The following CUX2 variants were observed in gnomAD, a reference collection of about 807,000 sequenced individuals.
The protein encoded by CUX2 is homeobox protein cut-like 2.
In CUX2, 40 loss-of-function variants were observed where a neutral mutation model predicts 144.8. The observed-to-expected ratio is 0.28, with a 90% CI of 0.21 to 0.36. The LOEUF is 0.36. CUX2 is among the 10% of genes least tolerant of loss of function. The pLI, the probability that CUX2 is intolerant of heterozygous loss-of-function variation, is 1.00. For synonymous variants in CUX2, 827 were observed against 875.6 expected (o/e 0.94, Z 0.98); for missense variants, 1,615 against 1,994.0 (o/e 0.81, Z 3.62).
intron 1 of CUX2, among the ~76,000 whole-genome samples, chr12:111,081,882 C>G (rs990391746): frequency 4.6e-5 from 7 of 152,124 alleles, no homozygotes; most frequent in African/African-American, 1.7e-4. Context: ...TGTAAGACCA[C>G]TTTGCCTGAG....
chr12:111,075,577 CAT>C (rs1328109985), intron 1 of CUX2, among the ~76,000 whole-genome samples: 1 of 152,136 alleles, frequency 6.6e-6, no homozygotes, highest in Non-Finnish European at 1.5e-5. Context: ...GCTCACCTTC[CAT>C]GTCCATTTGC....
chr12:111,325,298 GA>G (rs113921328), intron 18 of CUX2, among the ~76,000 whole-genome samples: 107 of 86,256 alleles, frequency 1.2e-3, no homozygotes, highest in Middle Eastern at 6.2e-3. Context: ...CGTCTCAAAA[GA>G]AAAAAAAAAA....
intron 14 of CUX2, 91 bp downstream of exon 14, chr12:111,308,617 C>A: frequency 9.2e-7 from 1 of 1,085,472 alleles, no homozygotes. Context: ...CACTGCCTTC[C>A]ATGCAGGCAG....
intron 1 of CUX2, chr12:111,099,889 G>T: frequency 2.2e-6 from 1 of 449,448 alleles, no homozygotes; most frequent in Non-Finnish European, 4.5e-6. Flanking sequence ...AAGAGGTAAT[G>T]CTAATGTCTT....
At chr12:111,096,977 G>T (rs1566216781) in intron 1 of CUX2, among the ~76,000 whole-genome samples, 1 of 147,112 alleles carries the variant, frequency 6.8e-6, no homozygotes, top group African/African-American at 2.5e-5. Flanking sequence ...GCTCCATCAA[G>T]AAAAAAAAAA....
At chr12:111,216,759 C>T (rs1162660682) in intron 2 of CUX2, among the ~76,000 whole-genome samples, 1 of 150,056 alleles carries the variant, frequency 6.7e-6, no homozygotes, top group Admixed American at 6.6e-5. Context: ...TGTGTCTCCC[C>T]TGAAGGTCCC....
Position 111,171,970 on chromosome 12 carries a change from T to C in CUX2, c.64-42230T>C, listed in dbSNP as rs1299259691. On this transcript the variant is annotated intron_variant, in intron 1 of 21. Coordinates refer to ENST00000261726, the MANE Select transcript of CUX2 (RefSeq NM_015267.4). This position sits in a 1 kb window ranked among gnomAD's most constrained non-coding sequence, Gnocchi z 5.0. Reference sequence around the variant, plus strand: ...GTGCGTGTGTGTGCGTGCATGTGCATGCACCTGTGTGTGTGTGCATGTGCC... The same window carrying C: ...GTGCGTGTGTGTGCGTGCATGTGCACGCACCTGTGTGTGTGTGCATGTGCC... Among the ~76,000 whole-genome samples the C allele has an allele frequency of 6.6e-6, 1 of 151,990 alleles. No individual in the cohort carries two copies. Among genetic ancestry groups the C allele is most frequent in the Non-Finnish European group, 1.5e-5 (1 of 67,990 alleles).
intron 1 of CUX2, among the ~76,000 whole-genome samples, chr12:111,082,955 T>A (rs1355350445): frequency 6.6e-6 from 1 of 152,122 alleles, no homozygotes; most frequent in East Asian, 1.9e-4. Flanking sequence ...TGTTCTGAGC[T>A]GTGCTGGAAA....
At chr12:111,298,339 G>A (rs1472644138) in intron 8 of CUX2, among the ~76,000 whole-genome samples, 1 of 152,214 alleles carries the variant, frequency 6.6e-6, no homozygotes, top group African/African-American at 2.4e-5. Flanking sequence ...GGGGAGGCCA[G>A]GCTGTCCTGA....
At chr12:111,318,353 G>A (rs1220243197) in intron 16 of CUX2, among the ~76,000 whole-genome samples, 1 of 145,706 alleles carries the variant, frequency 6.9e-6, no homozygotes, top group Non-Finnish European at 1.5e-5. Context: ...CCCTCCCAAA[G>A]TGCTGGGATT....
At chr12:111,278,681 C>G (rs1361865827) in intron 4 of CUX2, among the ~76,000 whole-genome samples, 1 of 152,216 alleles carries the variant, frequency 6.6e-6, no homozygotes, top group Non-Finnish European at 1.5e-5. Flanking sequence ...ACAAGATTCC[C>G]TTGGTGTTCC....
At chr12:111,276,155 C>G (rs1344318354) in intron 4 of CUX2, among the ~76,000 whole-genome samples, 1 of 152,034 alleles carries the variant, frequency 6.6e-6, no homozygotes, top group Non-Finnish European at 1.5e-5. Flanking sequence ...GAGTTTGAGA[C>G]CAGCCTGGGC....
chr12:111,124,113 A>G (rs1303147416), intron 1 of CUX2, among the ~76,000 whole-genome samples: 9 of 152,164 alleles, frequency 5.9e-5, no homozygotes, highest in Non-Finnish European at 1.2e-4. Context: ...TATTCCCCCA[A>G]AAGGAAACCG....
In CUX2 at chr12:111,037,495, G is replaced by A. The variant is rs35389305; in HGVS notation, c.63+3255G>A. On this transcript the variant is annotated intron_variant, in intron 1 of 21. Transcript: ENST00000261726. The surrounding 1 kb of genome is among the most constrained non-coding windows in gnomAD (Gnocchi z 5.4). ...CTGGAAGTCAGTCAACAACCTTAATGACTTTGGGCCGATGGTAAAGGTGAT... is the reference window on the plus strand; with the variant it reads ...CTGGAAGTCAGTCAACAACCTTAATAACTTTGGGCCGATGGTAAAGGTGAT... Among the ~76,000 whole-genome samples the A allele has an allele frequency of 7.0e-3, 1,062 of 152,320 alleles. 13 individuals are homozygous for A. The highest frequency in any genetic ancestry group is 0.024 in the African/African-American group (996 of 41,572).
intron 1 of CUX2, among the ~76,000 whole-genome samples, chr12:111,174,835 G>A (rs555618960): frequency 3.3e-5 from 5 of 152,314 alleles, no homozygotes; most frequent in South Asian, 2.1e-4. Flanking sequence ...TCAGGCCACC[G>A]GAAATATTAA....
intron 1 of CUX2, among the ~76,000 whole-genome samples, chr12:111,159,243 C>T (rs963431677): frequency 6.6e-6 from 1 of 152,020 alleles, no homozygotes; most frequent in African/African-American, 2.4e-5. Flanking sequence ...GCCACCTGGG[C>T]TCAAGTCATC....
intron 1 of CUX2, among the ~76,000 whole-genome samples, chr12:111,185,747 G>C (rs1455211104): frequency 1.3e-5 from 2 of 152,196 alleles, no homozygotes; most frequent in Non-Finnish European, 2.9e-5. Flanking sequence ...AGCCCCTACA[G>C]TCACAGCTCT....
Position 111,320,298 on chromosome 12 carries a change from C to A in CUX2, c.2289C>A (p.Ser763=), listed in dbSNP as rs761729328. ...CGCAGGCGCCGCTCCCGGTCCTGTC[C>A]CCCGCCGCCTTCGTGCAGAGCATCA... The part of the protein sequence containing the change: ...GPAQAPLPVL[S]PAAFVQSIIR... The change falls in exon 17 of 22, where the codon TCC becomes TCA. Residue 763 remains serine (S), a synonymous_variant. Transcript: ENST00000261726. The surrounding 1 kb of genome is among the most constrained non-coding windows in gnomAD (Gnocchi z 8.1). 1.9e-6 allele frequency: 3 copies of A among 1,597,316 alleles called. No homozygotes were observed. The Admixed American group carries it at 5.0e-5, about 27-fold the overall frequency.
In CUX2 at chr12:111,138,325, G is replaced by A. The variant is rs114683066; in HGVS notation, c.64-75875G>A. ...GTGTCACTGTTCTCATCCAGCACCC[G>A]GGCGCTGGGGAGCCAGCAGGGGGAG... On this transcript the variant is annotated intron_variant, in intron 1 of 21. Coordinates refer to ENST00000261726, the MANE Select transcript of CUX2 (RefSeq NM_015267.4). Among the ~76,000 whole-genome samples the A allele has an allele frequency of 6.0e-3, 911 of 152,162 alleles. 8 individuals carry two copies. The highest frequency in any genetic ancestry group is 0.02 in the African/African-American group (837 of 41,508).
Sources: gnomAD v4.1 joint callset for allele counts (sites outside exome capture counted in the v4.1 genomes callset) on GRCh38, gnomAD v4.1.1 for gene constraint, Gnocchi (gnomAD v3.1) non-coding constraint, MANE v1.5 for transcripts, NCBI Gene and HGNC (gene_info 2026-07-23, HGNC 2026-07-21) for gene names.